Variants in EXOC4 observed in about 807,000 individuals in gnomAD.
EXOC4 encodes the protein SEC8-like 1.
Under a neutral mutation model 107.2 loss-of-function variants are expected in EXOC4, and 71 were observed. That is an observed-to-expected ratio of 0.66 (90% CI 0.55 to 0.81). EXOC4 has a LOEUF of 0.81. Among genes scored for constraint, EXOC4 ranks in the 30% least tolerant of loss-of-function variants. EXOC4 has a pLI of 0.00. For synonymous variants in EXOC4, 456 were observed against 441.2 expected, an observed-to-expected ratio of 1.03 and a Z score of -0.42; for missense variants, 1,108 against 1,189.6, an observed-to-expected ratio of 0.93 and a Z score of 1.01.
chr7:133,909,224 A>G (rs545416010), intron 12 of EXOC4, among the ~76,000 whole-genome samples: 1 of 152,326 alleles, frequency 6.6e-6, no homozygotes, highest in Admixed American at 6.5e-5. Context: ...GCGTTATTCT[A>G]GGGCTAAAGG....
At chr7:133,629,028 T>C (rs985462002) in intron 9 of EXOC4, among the ~76,000 whole-genome samples, 1 of 152,200 alleles carries the variant, frequency 6.6e-6, no homozygotes, top group African/African-American at 2.4e-5. Context: ...TCGGAAGAGC[T>C]AGACTTCAAA....
intron 10 of EXOC4, among the ~76,000 whole-genome samples, chr7:133,645,818 C>T (rs1430451231): frequency 2.6e-5 from 4 of 152,156 alleles, no homozygotes; most frequent in African/African-American, 7.2e-5. Flanking sequence ...CAAATATGCA[C>T]TTCCAAATGT....
chr7:133,876,345 A>G (rs1798849177), intron 11 of EXOC4, among the ~76,000 whole-genome samples: 1 of 151,944 alleles, frequency 6.6e-6, no homozygotes. Context: ...ATTTCAGGGG[A>G]CATCATTACC....
intron 10 of EXOC4, among the ~76,000 whole-genome samples, chr7:133,728,147 C>T (rs555130825): frequency 6.6e-6 from 1 of 152,288 alleles, no homozygotes; most frequent in South Asian, 2.1e-4. Flanking sequence ...ATATTTATAA[C>T]TTTATCATTA....
At chr7:134,098,564 G>A in the EXOC4 span, among the ~76,000 whole-genome samples, 1 of 152,100 alleles carries the variant, frequency 6.6e-6, no homozygotes, top group African/African-American at 2.4e-5. Context: ...GGGTGGAGGG[G>A]TGGGGACAGC....
At chr7:133,330,581 G>T (rs1046521857) in intron 5 of EXOC4, among the ~76,000 whole-genome samples, 2 of 152,202 alleles carry the variant, frequency 1.3e-5, no homozygotes, top group African/African-American at 4.8e-5. Context: ...CTCCTGGTCT[G>T]TGGGTTGCAA....
At chr7:133,630,009 A>G (rs760699139) in intron 9 of EXOC4, 36 bp from the exon 10 acceptor site, 18 of 1,488,056 alleles carry the variant, frequency 1.2e-5, no homozygotes, top group East Asian at 2.3e-5. Flanking sequence ...AAAAGTTTCA[A>G]TGAGCTAAGT....
intron 5 of EXOC4, among the ~76,000 whole-genome samples, chr7:133,346,078 G>C (rs1795777598): frequency 6.6e-6 from 1 of 152,168 alleles, no homozygotes; most frequent in Non-Finnish European, 1.5e-5. Context: ...GATGTAAGAA[G>C]TAATTTTTCA....
At chr7:133,524,537 A>C (rs1434140903) in intron 9 of EXOC4, among the ~76,000 whole-genome samples, 1 of 133,594 alleles carries the variant, frequency 7.5e-6, no homozygotes, top group Non-Finnish European at 1.6e-5. Context: ...CTGAATGGTA[A>C]TGCCTAGGTT....
At chr7:134,039,201 A>G (rs767034117) in intron 17 of EXOC4, among the ~76,000 whole-genome samples, 3 of 152,196 alleles carry the variant, frequency 2.0e-5, no homozygotes, top group African/African-American at 4.8e-5. Context: ...TCACGTAGGT[A>G]TGGTATACAC....
At chr7:133,255,202 G>T (rs1217471604) in intron 1 of EXOC4, among the ~76,000 whole-genome samples, 1 of 148,916 alleles carries the variant, frequency 6.7e-6, no homozygotes, top group Non-Finnish European at 1.5e-5. Flanking sequence ...TTTTGAGACA[G>T]AGTCTTGCTC....
chr7:133,608,357 A>G (rs985810546), intron 9 of EXOC4, among the ~76,000 whole-genome samples: 5 of 152,014 alleles, frequency 3.3e-5, no homozygotes, highest in Non-Finnish European at 5.9e-5. Context: ...GAATAGATCT[A>G]TATTTGTTAT....
At chr7:133,530,680 T>C (rs1800165680) in intron 9 of EXOC4, among the ~76,000 whole-genome samples, 1 of 152,202 alleles carries the variant, frequency 6.6e-6, no homozygotes, top group African/African-American at 2.4e-5. Context: ...TGGTAACTTT[T>C]TATTAATCCA....
intron 14 of EXOC4, among the ~76,000 whole-genome samples, chr7:133,990,268 T>TCCCCCCCCC (rs60183854): frequency 2.7e-5 from 3 of 110,168 alleles, no homozygotes; most frequent in African/African-American, 1.1e-4. Context: ...AACTTTCCCC[T>TCCCCCCCCC]CCCCCCCCCA....
chr7:133,422,378 T>C (rs1196958806), intron 7 of EXOC4, among the ~76,000 whole-genome samples: 1 of 152,230 alleles, frequency 6.6e-6, no homozygotes, highest in African/African-American at 2.4e-5. Flanking sequence ...TTAGAGGTTT[T>C]GTCTTCCTTA....
intron 6 of EXOC4, among the ~76,000 whole-genome samples, chr7:133,372,323 A>G (rs1796395192): frequency 6.6e-6 from 1 of 152,200 alleles, no homozygotes; most frequent in African/African-American, 2.4e-5. Context: ...CAAAAAAGGT[A>G]GAGCTGCAAG....
At chr7:133,630,225 AGC>A in intron 10 of EXOC4, 84 bp downstream of exon 10, 2 of 1,039,422 alleles carry the variant, frequency 1.9e-6, no homozygotes, top group Non-Finnish European at 2.9e-6. Context: ...TTGTTGAGTC[AGC>A]ACTGAAACAA....
Position 133,403,771 on chromosome 7 carries a change from T to G in EXOC4, c.1182+28769T>G, listed in dbSNP as rs144525528. Among the ~76,000 whole-genome samples the G allele has an allele frequency of 1.7e-3, 266 of 152,080 alleles. 1 individual carries two copies. The highest frequency in any genetic ancestry group is 6.0e-3 in the African/African-American group (249 of 41,486). The stretch of plus-strand genomic sequence containing the variant: ...ATAGCAAGATCCCATCTCTAAAAAA[T>G]TTTTTTAAAATTAGCCAGGTATGAT... On this transcript the variant is annotated intron_variant, in intron 7 of 17. Transcript: ENST00000253861.
At chr7:133,468,299 A>G (rs1220753050) in intron 7 of EXOC4, among the ~76,000 whole-genome samples, 2 of 152,176 alleles carry the variant, frequency 1.3e-5, no homozygotes, top group Non-Finnish European at 2.9e-5. Flanking sequence ...TTGAGCAGGC[A>G]TCTGCTTTAT....
Sources: allele counts gnomAD v4.1 joint callset (sites outside exome capture counted in the v4.1 genomes callset), GRCh38; gene constraint gnomAD v4.1.1; transcripts MANE v1.5; gene names NCBI Gene and HGNC (gene_info 2026-07-23, HGNC 2026-07-21).